The following SLC37A3 variants were observed in gnomAD, a reference collection of about 807,000 sequenced individuals.
SLC37A3 encodes solute carrier family 37 member 3.
A neutral mutation model predicts 67.1 loss-of-function variants in SLC37A3; 51 were observed. The ratio of observed to expected loss-of-function variants is 0.76; its 90% confidence interval spans 0.61 to 0.96. The LOEUF is 0.96. SLC37A3 is among the 40% of genes least tolerant of loss of function. The pLI, the probability that SLC37A3 is intolerant of heterozygous loss-of-function variation, is 0.00. For synonymous variants in SLC37A3, 214 were observed against 231.4 expected, an observed-to-expected ratio of 0.92 and a Z score of 0.68; for missense variants, 508 against 603.0, an observed-to-expected ratio of 0.84 and a Z score of 1.65.
chr7:140,377,243 T>C (rs932050105), intron 3 of SLC37A3, among the ~76,000 whole-genome samples: 44 of 151,896 alleles, frequency 2.9e-4, no homozygotes, highest in African/African-American at 1.0e-3. Context: ...GTTTTCATTT[T>C]TGTAGAGACG....
At chr7:140,365,946 TTTTTTTTTTG>T (rs1797583315) in intron 4 of SLC37A3, among the ~76,000 whole-genome samples, 1 of 83,688 alleles carries the variant, frequency 1.2e-5, no homozygotes, top group Non-Finnish European at 2.6e-5. Context: ...TTTTTTTTTT[TTTTTTTTTTG>T]AGACAGAGTC....
chr7:140,342,827 C>T (rs1254101190), intron 13 of SLC37A3, among the ~76,000 whole-genome samples: 1 of 152,144 alleles, frequency 6.6e-6, no homozygotes, highest in African/African-American at 2.4e-5. Context: ...CTGTAGTATG[C>T]TTGGTGTTCT....
rs996470748 is a variant in SLC37A3, at chr7:140,386,945, T to C, written c.-70-4349A>G. On this transcript the variant is annotated intron_variant, in intron 1 of 14. Coordinates refer to ENST00000326232, the MANE Select transcript of SLC37A3 (RefSeq NM_207113.3). Reference sequence around the variant, plus strand: ...TACTGAATACACAATTATCAACCGATATTTGTCAGCAACAAGAATTTTAAC... The same window carrying C: ...TACTGAATACACAATTATCAACCGACATTTGTCAGCAACAAGAATTTTAAC... The C allele has an allele frequency of 8.5e-5, 13 of 152,292 alleles. No individual in the cohort carries two copies. In the South Asian group the frequency reaches 1.7e-3, roughly 19 times the overall value. The allele number at this position is 152,292 out of a possible 1,614,324, so 9.4% of individuals were successfully genotyped here.
Position 140,335,143 on chromosome 7 carries a change from A to G in SLC37A3, c.*269T>C. The G allele has an allele frequency of 7.5e-7, 1 of 1,329,858 alleles. No homozygotes were observed. The highest frequency in any genetic ancestry group is 1.0e-6 in the Non-Finnish European group (1 of 969,674). The allele number at this position is 1,329,858 out of a possible 1,614,324, so 82.4% of individuals were successfully genotyped here. On this transcript the variant is annotated 3_prime_UTR_variant, in exon 15 of 15. Transcript: ENST00000326232. ...ATAGGCCAAACAAAGACGCGGGCAG[A>G]GTCAGAGGTCAAAGATGCTGGCAGA...
intron 5 of SLC37A3, among the ~76,000 whole-genome samples, chr7:140,362,418 T>C (rs1310129451): frequency 9.7e-6 from 1 of 102,706 alleles, no homozygotes; most frequent in Non-Finnish European, 2.0e-5. Context: ...GGGAGGGAGG[T>C]GGGGGGGGGG....
chr7:140,388,927 A>C (rs929908694), intron 1 of SLC37A3, among the ~76,000 whole-genome samples: 3 of 152,186 alleles, frequency 2.0e-5, no homozygotes, highest in African/African-American at 7.2e-5. Flanking sequence ...CTACCCATTA[A>C]AAATGGTAAT....
chr7:140,358,778 A>C lies in SLC37A3; in HGVS notation c.383T>G (p.Val128Gly). The change falls in exon 6 of 15, where the codon GTC becomes GGC. Residue 128 changes from valine to glycine, a missense_variant. Physicochemically the swap from Val to Gly is moderately radical, Grantham distance 109. Transcript: ENST00000326232. Reference sequence around the variant, plus strand: ...CAGCCATTCTGTGAGCGCACCAAAGACAAACACCTTGAAGAGGAGGAAACA... The same window carrying C: ...CAGCCATTCTGTGAGCGCACCAAAGCCAAACACCTTGAAGAGGAGGAAACA... ...GMCSSALVVF[V>G]FGALTEWLRF... 1 of 1,614,122 alleles carries C rather than the reference A, an allele frequency of 6.2e-7. No individual in the cohort carries two copies. The highest frequency in any genetic ancestry group is 8.5e-7 in the Non-Finnish European group (1 of 1,180,020).
intron 2 of SLC37A3, among the ~76,000 whole-genome samples, chr7:140,380,704 G>C (rs1027472313): frequency 6.6e-6 from 1 of 151,800 alleles, no homozygotes; most frequent in African/African-American, 2.4e-5. Flanking sequence ...ACCACGCCCA[G>C]TGCACCTGTC....
chr7:140,382,249 C>T (rs564434281), intron 2 of SLC37A3, among the ~76,000 whole-genome samples, 189 bp downstream of exon 2: 2 of 151,916 alleles, frequency 1.3e-5, no homozygotes, highest in Non-Finnish European at 2.9e-5. Context: ...TCTTAGACAC[C>T]GCCAAATGTC....
intron 13 of SLC37A3, among the ~76,000 whole-genome samples, chr7:140,340,074 A>G (rs1796300190): frequency 6.6e-6 from 1 of 152,176 alleles, no homozygotes; most frequent in Non-Finnish European, 1.5e-5. Flanking sequence ...CGTAGTAAGC[A>G]TGAAGTCACA....
chr7:140,335,182 C>A lies in SLC37A3; in HGVS notation c.*230G>T. 1 of 1,563,582 alleles carries A rather than the reference C, an allele frequency of 6.4e-7. No individual in the cohort carries two copies. Among genetic ancestry groups the A allele is most frequent in the South Asian group, 1.2e-5 (1 of 84,514 alleles). On this transcript the variant is annotated 3_prime_UTR_variant, in exon 15 of 15. Transcript: ENST00000326232. ...GATGCTGGCAGAGTCAGAAGTCACT[C>A]GGCACATTCATGAAACAACAGCAAA...
At chr7:140,348,849 C>A in intron 9 of SLC37A3, 82 bp from the exon 10 acceptor site, 1 of 1,534,726 alleles carries the variant, frequency 6.5e-7, no homozygotes, top group East Asian at 2.3e-5. Context: ...AAAAGCAAAA[C>A]AAAATAAAGG....
chr7:140,343,154 T>C (rs1164946544), intron 13 of SLC37A3, among the ~76,000 whole-genome samples: 1 of 152,212 alleles, frequency 6.6e-6, no homozygotes, highest in African/African-American at 2.4e-5. Context: ...AGGATCTGTC[T>C]GTCTTACGAG....
At chr7:140,383,982 T>C (rs1001468636) in intron 1 of SLC37A3, among the ~76,000 whole-genome samples, 1 of 152,138 alleles carries the variant, frequency 6.6e-6, no homozygotes, top group African/African-American at 2.4e-5. Flanking sequence ...CTGGCCCCAA[T>C]GCCTTTTCAT....
Position 140,382,518 on chromosome 7 carries a change from C to T in SLC37A3, c.9G>A (p.Trp3Ter), listed in dbSNP as rs752269685. The stretch of plus-strand genomic sequence containing the variant: ...GAGACCCTCTTTGAAAAACATTTGG[C>T]CAGGCCATGTTCTTCCTGACCTTCC... MA[W>*]PNVFQRGSLL... The change falls in exon 2 of 15, where the codon TGG becomes TGA. Residue 3 changes from tryptophan (W) to a stop codon, truncating the protein, a stop_gained. Coordinates refer to ENST00000326232, the MANE Select transcript of SLC37A3 (RefSeq NM_207113.3). LOFTEE classifies it high-confidence loss of function. The T allele has an allele frequency of 6.2e-7, 1 of 1,613,892 alleles. No individual in the cohort carries two copies. Among genetic ancestry groups the T allele is most frequent in the Non-Finnish European group, 8.5e-7 (1 of 1,179,852 alleles).
intron 9 of SLC37A3, among the ~76,000 whole-genome samples, chr7:140,350,828 CCTT>C (rs1185863642): frequency 2.0e-5 from 3 of 152,086 alleles, no homozygotes; most frequent in Non-Finnish European, 1.5e-5. Context: ...CATTCACAAC[CCTT>C]CTTCTTGGTC....
In SLC37A3 at chr7:140,334,975, A is replaced by G. The variant is rs182373730; in HGVS notation, c.*437T>C. On this transcript the variant is annotated 3_prime_UTR_variant, in exon 15 of 15. Transcript: ENST00000326232. ...CCACTCTCTGTAAACTCATTACCAAAGCAAAATGCAATGATCTCTTCCATT... is the reference window on the plus strand; with the variant it reads ...CCACTCTCTGTAAACTCATTACCAAGGCAAAATGCAATGATCTCTTCCATT... The G allele has an allele frequency of 2.5e-6, 1 of 407,510 alleles. No individual in the cohort carries two copies. The highest frequency in any genetic ancestry group is 5.3e-5 in the East Asian group (1 of 18,972). The allele number at this position is 407,510 out of a possible 1,614,324, so 25.2% of individuals were successfully genotyped here.
chr7:140,376,615 G>A (rs955718095), intron 3 of SLC37A3, among the ~76,000 whole-genome samples: 3 of 152,176 alleles, frequency 2.0e-5, no homozygotes, highest in Admixed American at 6.6e-5. Flanking sequence ...GGCTATCCAG[G>A]GGGGCAGGGG....
At chr7:140,369,501 T>C in intron 4 of SLC37A3, 89 bp downstream of exon 4, 2 of 1,040,512 alleles carry the variant, frequency 1.9e-6, no homozygotes, top group Non-Finnish European at 1.4e-6. Flanking sequence ...AGTCAGCAAA[T>C]TCAAAATCCC....
Sources: gnomAD v4.1 joint callset for allele counts (sites outside exome capture counted in the v4.1 genomes callset) on GRCh38, gnomAD v4.1.1 for gene constraint, MANE v1.5 for transcripts, NCBI Gene and HGNC (gene_info 2026-07-23, HGNC 2026-07-21) for gene names.